The following DNAI3 variants were observed in gnomAD, a reference collection of about 807,000 sequenced individuals.
The protein encoded by DNAI3 is dynein axonemal intermediate chain 3, also known as WD repeat domain 63.
In DNAI3, 83 loss-of-function variants were observed where a neutral mutation model predicts 115.5. The observed-to-expected ratio is 0.72, with a 90% CI of 0.60 to 0.86. DNAI3 has a LOEUF of 0.86. Among genes scored for constraint, DNAI3 ranks in the 40% least tolerant of loss-of-function variants. The probability of loss-of-function intolerance (pLI) is 0.00; values close to 1 mark genes in which losing one functional copy is unlikely to be tolerated. For synonymous variants in DNAI3, 320 were observed against 347.0 expected (o/e 0.92, Z 0.86); for missense variants, 1,004 against 1,075.8 (o/e 0.93, Z 0.93).
At chr1:85,116,541 T>C (rs759752867) in intron 16 of DNAI3, among the ~76,000 whole-genome samples, 1 of 152,228 alleles carries the variant, frequency 6.6e-6, no homozygotes, top group Non-Finnish European at 1.5e-5. Context: ...TTCTCTAATA[T>C]ATTTGTGTAC....
At chr1:85,106,888 A>G (rs1159233016) in intron 14 of DNAI3, among the ~76,000 whole-genome samples, 1 of 152,234 alleles carries the variant, frequency 6.6e-6, no homozygotes, top group East Asian at 1.9e-4. Flanking sequence ...TTAAAATGGA[A>G]TAATGACCTA....
intron 17 of DNAI3, among the ~76,000 whole-genome samples, chr1:85,119,557 T>C (rs1048610870): frequency 1.3e-5 from 2 of 152,206 alleles, no homozygotes; most frequent in Non-Finnish European, 2.9e-5. Flanking sequence ...CTGCTCAAAC[T>C]CTTCAGTGAC....
intron 22 of DNAI3, 68 bp downstream of exon 22, chr1:85,130,180 A>G: frequency 6.3e-7 from 1 of 1,592,550 alleles, no homozygotes; most frequent in Non-Finnish European, 8.6e-7. Context: ...TGTTTGGCTT[A>G]ATCCACAGTT....
At chr1:85,105,490 T>A (rs1342256104) in intron 14 of DNAI3, among the ~76,000 whole-genome samples, 7 of 145,184 alleles carry the variant, frequency 4.8e-5, no homozygotes, top group African/African-American at 1.8e-4. Flanking sequence ...ATTGCGCCAT[T>A]GCACTCTAGC....
intron 8 of DNAI3, among the ~76,000 whole-genome samples, chr1:85,091,654 A>G (rs572831658): frequency 6.6e-6 from 1 of 152,352 alleles, no homozygotes; most frequent in South Asian, 2.1e-4. Context: ...ATCTAAAACA[A>G]ACTTAAGGGA....
rs961155724 is a variant in DNAI3 at position 85,132,256 on chromosome 1, G to T, written c.2533-599G>T. Among the ~76,000 whole-genome samples the T allele has an allele frequency of 2.6e-5, 4 of 152,240 alleles. 1 individual carries two copies. Among genetic ancestry groups the T allele is most frequent in the African/African-American group, 9.6e-5 (4 of 41,462 alleles). On this transcript the variant is annotated intron_variant, in intron 22 of 22. Coordinates refer to ENST00000294664, the MANE Select transcript of DNAI3 (RefSeq NM_145172.5). ...GCACATAGAAAGTGTTCACATGTTC[G>T]TCCAGCAAGGCTGGCCTGTGTGAGT...
At chr1:85,092,325 C>A (rs149839602) in intron 8 of DNAI3, among the ~76,000 whole-genome samples, 1 of 152,150 alleles carries the variant, frequency 6.6e-6, no homozygotes, top group Non-Finnish European at 1.5e-5. Flanking sequence ...GGGTATCAAA[C>A]GGTGCCCTTT....
intron 19 of DNAI3, among the ~76,000 whole-genome samples, chr1:85,125,007 C>G (rs1656092071): frequency 6.6e-6 from 1 of 152,036 alleles, no homozygotes; most frequent in Non-Finnish European, 1.5e-5. Context: ...CCTTGCCTGT[C>G]CAGGGACATA....
At chr1:85,072,476 T>A (rs1339393719) in intron 2 of DNAI3, among the ~76,000 whole-genome samples, 1 of 151,008 alleles carries the variant, frequency 6.6e-6, no homozygotes, top group Non-Finnish European at 1.5e-5. Context: ...ACCCCGTCTC[T>A]ACTAAAAATA....
At chr1:85,069,550 C>T (rs1004005556) in intron 1 of DNAI3, among the ~76,000 whole-genome samples, 18 of 151,730 alleles carry the variant, frequency 1.2e-4, no homozygotes, top group African/African-American at 3.6e-4. Flanking sequence ...ATGGTGTGTG[C>T]GTGGGGTGAG....
chr1:85,085,933 G>A lies in DNAI3; in HGVS notation c.643G>A (p.Ala215Thr). 6.2e-7 allele frequency: 1 copy of A among 1,614,122 alleles called. No homozygotes were observed. Among genetic ancestry groups the A allele is most frequent in the South Asian group, 1.1e-5 (1 of 91,076 alleles). Residue 215 changes from alanine to threonine, a missense_variant, in exon 7 of 23, where the codon GCC becomes ACC. This residue lies in a region of DNAI3 where 550 missense variants were observed against 568.1 expected (regional missense o/e 0.97). Coordinates refer to ENST00000294664, the MANE Select transcript of DNAI3 (RefSeq NM_145172.5). Reference sequence around the variant, plus strand: ...AAAAGATGCCTATATTGAATGTACAGCCTACCCAGATAAAAATTTTACCCT... The same window carrying A: ...AAAAGATGCCTATATTGAATGTACAACCTACCCAGATAAAAATTTTACCCT... ...SVKDAYIECT[A>T]YPDKNFTLKQ...
In DNAI3 at chr1:85,072,909, A is replaced by G. The variant is rs1185705093; in HGVS notation, c.65-145A>G. On this transcript the variant is annotated intron_variant, in intron 2 of 22. Coordinates refer to ENST00000294664, the MANE Select transcript of DNAI3 (RefSeq NM_145172.5). ...TGTGGTGCTTGCAGTGAGCTGAGATAGCGCCACTGCCCTCCAGCCTGGGCG... is the reference window on the plus strand; with the variant it reads ...TGTGGTGCTTGCAGTGAGCTGAGATGGCGCCACTGCCCTCCAGCCTGGGCG... 13 of 381,192 alleles carry G rather than the reference A, an allele frequency of 3.4e-5. No individual in the cohort carries two copies. In the East Asian group the frequency reaches 6.2e-4, roughly 18 times the overall value. The allele number at this position is 381,192 out of a possible 1,614,324, so 23.6% of individuals were successfully genotyped here.
intron 12 of DNAI3, among the ~76,000 whole-genome samples, chr1:85,098,145 T>C (rs1655182907): frequency 6.6e-6 from 1 of 152,170 alleles, no homozygotes; most frequent in Non-Finnish European, 1.5e-5. Flanking sequence ...AGAAGATTAC[T>C]CCATACCTAC....
At chr1:85,127,398 T>C (rs138319812) in intron 20 of DNAI3, among the ~76,000 whole-genome samples, 18 of 152,278 alleles carry the variant, frequency 1.2e-4, no homozygotes, top group African/African-American at 3.6e-4. Context: ...AAATCCAGTA[T>C]GTTTGCCTTT....
At chr1:85,083,660 T>G (rs901122438) in intron 5 of DNAI3, among the ~76,000 whole-genome samples, 1 of 152,020 alleles carries the variant, frequency 6.6e-6, no homozygotes, top group Non-Finnish European at 1.5e-5. Context: ...AACAAATATC[T>G]ACACTTAATT....
intron 3 of DNAI3, among the ~76,000 whole-genome samples, chr1:85,077,389 G>A (rs963489): frequency 0.19 from 28,269 of 152,064 alleles, 2,763 homozygotes; most frequent in South Asian, 0.26. Context: ...TTGTGACCTT[G>A]GAGTTGGCAA....
chr1:85,076,564 A>C (rs1400340211), intron 3 of DNAI3, among the ~76,000 whole-genome samples: 1 of 152,188 alleles, frequency 6.6e-6, no homozygotes, highest in Non-Finnish European at 1.5e-5. Context: ...TCACAATCAC[A>C]GTGGAAGGTG....
Position 85,104,596 on chromosome 1 carries a change from T to A in DNAI3, c.1552T>A (p.Cys518Ser). Residue 518 changes from cysteine to serine, a missense_variant and splice_region_variant, in exon 14 of 23, where the codon TGC becomes AGC. This residue lies in a region of DNAI3 where 429 missense variants were observed against 454.3 expected (regional missense o/e 0.94). Transcript: ENST00000294664. The stretch of plus-strand genomic sequence containing the variant: ...TCAACTTGTCACATGTTCAGCAGAT[T>A]GGTAAGTCTTGTTTCAAACATTTCC... ...CCQLVTCSAD[C>S]TICFWDIRPQ... The A allele has an allele frequency of 6.2e-7, 1 of 1,613,498 alleles. No homozygotes were observed. Among genetic ancestry groups the A allele is most frequent in the Non-Finnish European group, 8.5e-7 (1 of 1,179,568 alleles).
At chr1:85,107,496 TG>T (rs1449676202) in intron 14 of DNAI3, among the ~76,000 whole-genome samples, 20 of 152,288 alleles carry the variant, frequency 1.3e-4, no homozygotes, top group African/African-American at 4.1e-4. Context: ...AGACCATATA[TG>T]ATTCATTTTA....
Sources: gnomAD v4.1 joint callset for allele counts (sites outside exome capture counted in the v4.1 genomes callset) on GRCh38, gnomAD v4.1.1 for gene constraint, gnomAD v4.1.1 regional missense constraint, MANE v1.5 for transcripts, NCBI Gene and HGNC (gene_info 2026-07-23, HGNC 2026-07-21) for gene names.